The following XIRP2 variants were observed in gnomAD, a reference collection of about 807,000 sequenced individuals.
The protein encoded by XIRP2 is xin actin binding repeat containing 2.
XIRP2 carries 236 observed loss-of-function variants against 277.0 expected under a neutral mutation model. The observed-to-expected ratio is 0.85, with a 90% CI of 0.77 to 0.95. XIRP2 has a LOEUF of 0.95. Among genes scored for constraint, XIRP2 ranks in the 40% least tolerant of loss-of-function variants. The pLI is 0.00. For synonymous variants in XIRP2, 1,490 were observed against 1,416.5 expected, an observed-to-expected ratio of 1.05 and a Z score of -1.17; for missense variants, 4,640 against 4,157.5, an observed-to-expected ratio of 1.12 and a Z score of -3.19.
Position 167,259,064 on chromosome 2 carries a change from A to G in XIRP2, c.*1247A>G. 4 of 1,611,422 alleles carry G rather than the reference A, an allele frequency of 2.5e-6. No homozygotes were observed. Among genetic ancestry groups the G allele is most frequent in the Non-Finnish European group, 3.4e-6 (4 of 1,178,230 alleles). On this transcript the variant is annotated 3_prime_UTR_variant, in exon 11 of 11. Coordinates refer to ENST00000409195, the MANE Select transcript of XIRP2 (RefSeq NM_152381.6). ...AAATTTACACTTTTTCTTTTCTAAC[A>G]CCGTGAAAATCACTGCATTTTCCAA...
chr2:166,945,616 T>A (rs1043610791), intron 2 of XIRP2, among the ~76,000 whole-genome samples: 1 of 150,842 alleles, frequency 6.6e-6, no homozygotes, highest in African/African-American at 2.4e-5. Flanking sequence ...TATAAGACTC[T>A]AGAGCCTGTG....
At chr2:166,994,646 C>T (rs1183767811) in intron 2 of XIRP2, among the ~76,000 whole-genome samples, 1 of 131,664 alleles carries the variant, frequency 7.6e-6, no homozygotes, top group Non-Finnish European at 1.6e-5. Flanking sequence ...TCTTCAATTG[C>T]AGTGTAATGT....
At chr2:167,097,302 C>T (rs1354073548) in intron 2 of XIRP2, among the ~76,000 whole-genome samples, 2 of 152,082 alleles carry the variant, frequency 1.3e-5, no homozygotes, top group Non-Finnish European at 2.9e-5. Flanking sequence ...TATGTAATGG[C>T]CTTCTTTGTC....
At chr2:166,947,661 C>T (rs533571066) in intron 2 of XIRP2, among the ~76,000 whole-genome samples, 2 of 152,144 alleles carry the variant, frequency 1.3e-5, no homozygotes, top group Admixed American at 6.6e-5. Flanking sequence ...CTGGTGGGAA[C>T]GTAAAATGGA....
chr2:167,132,515 C>CACACACACACACAT (rs1691409038), intron 2 of XIRP2, among the ~76,000 whole-genome samples: 1 of 132,400 alleles, frequency 7.6e-6, no homozygotes, highest in Non-Finnish European at 1.6e-5. Context: ...TGTGTATACA[C>CACACACACACACAT]ACACACACAC....
chr2:166,903,848 G>A lies in XIRP2; in HGVS notation c.366G>A (p.Glu122=), dbSNP rs1684449165. ...TTGATGAGCTGAGGAGTGTGTTTGA[G>A]GCTCCTAAGAGTGGAAACAAACCAG... The part of the protein sequence containing the change: ...IALDELRSVF[E]APKSGNKPAE... Residue 122 remains glutamate, a synonymous_variant, in exon 2 of 11, where the codon GAG becomes GAA. Coordinates refer to ENST00000409195, the MANE Select transcript of XIRP2 (RefSeq NM_152381.6). 6.2e-7 allele frequency: 1 copy of A among 1,613,624 alleles called. No individual in the cohort carries two copies. The highest frequency in any genetic ancestry group is 8.5e-7 in the Non-Finnish European group (1 of 1,179,722).
intron 2 of XIRP2, among the ~76,000 whole-genome samples, chr2:167,083,425 G>A (rs1032395847): frequency 1.1e-4 from 17 of 152,180 alleles, no homozygotes; most frequent in Admixed American, 2.6e-4. Context: ...TTGGCGATGC[G>A]GGCTCTTTTT....
chr2:167,019,820 C>T (rs1241715345), intron 2 of XIRP2, among the ~76,000 whole-genome samples: 1 of 152,054 alleles, frequency 6.6e-6, no homozygotes, highest in Non-Finnish European at 1.5e-5. Flanking sequence ...AGTTGTTACA[C>T]TTACCCCATC....
chr2:167,251,777 T>A lies in XIRP2; in HGVS notation c.10385T>A (p.Ile3462Asn). 2 of 1,613,392 alleles carry A rather than the reference T, an allele frequency of 1.2e-6. No individual in the cohort carries two copies. Among genetic ancestry groups the A allele is most frequent in the African/African-American group, 2.7e-5 (2 of 74,962 alleles). Residue 3462 changes from isoleucine to asparagine, a missense_variant, in exon 9 of 11, where the codon ATT becomes AAT. Physicochemically the swap from Ile to Asn is moderately radical, Grantham distance 149 (BLOSUM62 -3). Transcript: ENST00000409195. ...GCCCCACCAACCTATGAGGATGTCA[T>A]TGCTGGACATATTTTAGATATCTCT... ...KHAPPTYEDV[I>N]AGHILDISDS...
intron 2 of XIRP2, among the ~76,000 whole-genome samples, chr2:167,111,379 A>T (rs966569306): frequency 6.6e-6 from 1 of 152,190 alleles, no homozygotes; most frequent in African/African-American, 2.4e-5. Flanking sequence ...GGTTTTTAAC[A>T]TGAAGGGATG....
chr2:166,918,963 T>G (rs1256405223), intron 2 of XIRP2, among the ~76,000 whole-genome samples: 1 of 152,124 alleles, frequency 6.6e-6, no homozygotes, highest in Non-Finnish European at 1.5e-5. Context: ...CTTAGAAGTA[T>G]GTAATCTTTT....
Position 167,244,646 on chromosome 2 carries a change from A to G in XIRP2, c.3254A>G (p.Asp1085Gly). 2 of 1,613,466 alleles carry G rather than the reference A, an allele frequency of 1.2e-6. No individual in the cohort carries two copies. The highest frequency in any genetic ancestry group is 1.7e-6 in the Non-Finnish European group (2 of 1,179,700). The change falls in exon 9 of 11, where the codon GAT becomes GGT. Residue 1085 changes from aspartate to glycine, a missense_variant. By Grantham distance (94) the Asp-to-Gly change is moderately conservative. Transcript: ENST00000409195. ...GAAAGTAAAACTGAACAAACTAGAG[A>G]TATTGTTAAAGGGGATGTCAAAACC... ...ETESKTEQTR[D>G]IVKGDVKTCK...
intron 3 of XIRP2, among the ~76,000 whole-genome samples, chr2:167,163,740 C>A (rs1692437119): frequency 6.6e-6 from 1 of 152,136 alleles, no homozygotes; most frequent in South Asian, 2.1e-4. Context: ...TCTAGAATTG[C>A]AAAGATATTT....
chr2:166,978,875 G>A (rs1347665504), intron 2 of XIRP2, among the ~76,000 whole-genome samples: 2 of 152,082 alleles, frequency 1.3e-5, no homozygotes, highest in African/African-American at 4.8e-5. Flanking sequence ...AGCTACTCAG[G>A]TGGCTAAAGT....
intron 3 of XIRP2, among the ~76,000 whole-genome samples, chr2:167,137,917 A>G (rs558423441): frequency 4.3e-4 from 66 of 152,268 alleles, no homozygotes; most frequent in South Asian, 1.5e-3. Flanking sequence ...GGGGCCCCAA[A>G]TTTCTATCTC....
chr2:166,903,751 A>G lies in XIRP2; in HGVS notation c.269A>G (p.Tyr90Cys), dbSNP rs756428508. ...GACAAGAGTAACAACACCAGGGAAT[A>G]TGGTCGGCCAGAAGTGCTGAAGGAG... The part of the protein sequence containing the change: ...SVDKSNNTRE[Y>C]GRPEVLKEDS... Residue 90 changes from tyrosine to cysteine, a missense_variant, in exon 2 of 11, where the codon TAT becomes TGT. Coordinates refer to ENST00000409195, the MANE Select transcript of XIRP2 (RefSeq NM_152381.6). The G allele has an allele frequency of 3.0e-5, 49 of 1,613,646 alleles. 2 individuals are homozygous for G. In the East Asian group the frequency reaches 5.1e-4, roughly 17 times the overall value.
At chr2:167,154,861 A>G (rs1191372901) in intron 3 of XIRP2, among the ~76,000 whole-genome samples, 1 of 152,168 alleles carries the variant, frequency 6.6e-6, no homozygotes, top group East Asian at 1.9e-4. Context: ...AGACTAATAA[A>G]GAAGAAAAGA....
intron 3 of XIRP2, among the ~76,000 whole-genome samples, chr2:167,168,403 G>GAT (rs1692584977): frequency 6.6e-6 from 1 of 151,908 alleles, no homozygotes; most frequent in South Asian, 2.1e-4. Context: ...ATGGTTCTGG[G>GAT]ATATTCTGTC....
chr2:167,010,003 C>A (rs965635069), intron 2 of XIRP2, among the ~76,000 whole-genome samples: 26 of 152,070 alleles, frequency 1.7e-4, no homozygotes, highest in African/African-American at 5.8e-4. Context: ...AATTTTCTCC[C>A]ATTTTGTAGG....
Sources: allele counts gnomAD v4.1 joint callset (sites outside exome capture counted in the v4.1 genomes callset), GRCh38; gene constraint gnomAD v4.1.1; transcripts MANE v1.5; gene names NCBI Gene and HGNC (gene_info 2026-07-23, HGNC 2026-07-21).